The following PCDH15 variants were observed in gnomAD, a reference collection of about 807,000 sequenced individuals.
PCDH15 encodes protocadherin related 15, also known as protocadherin-15.
Under a neutral mutation model 178.5 loss-of-function variants are expected in PCDH15, and 129 were observed. The ratio of observed to expected loss-of-function variants is 0.72; its 90% CI spans 0.63 to 0.84. The LOEUF (loss-of-function observed/expected upper bound fraction) is 0.84. Among genes scored for constraint, PCDH15 ranks in the 40% least tolerant of loss-of-function variants. PCDH15 has a pLI of 0.00. For synonymous variants in PCDH15, 800 were observed against 732.0 expected (o/e 1.09, Z -1.50); for missense variants, 2,230 against 2,099.9 (o/e 1.06, Z -1.21).
At chr10:55,141,468 T>A (rs1838351764) in intron 2 of PCDH15, among the ~76,000 whole-genome samples, 1 of 152,068 alleles carries the variant, frequency 6.6e-6, no homozygotes, top group African/African-American at 2.4e-5. Context: ...ACTTAGAAAG[T>A]TTTTCTCTTC....
At chr10:55,059,833 G>A (rs942127554) in intron 2 of PCDH15, among the ~76,000 whole-genome samples, 1 of 151,938 alleles carries the variant, frequency 6.6e-6, no homozygotes, top group Non-Finnish European at 1.5e-5. Flanking sequence ...GTTATTTAAT[G>A]ATCTTGTTGA....
intron 2 of PCDH15, among the ~76,000 whole-genome samples, chr10:55,527,221 C>A (rs1841320939): frequency 6.6e-6 from 1 of 151,984 alleles, no homozygotes; most frequent in African/African-American, 2.4e-5. Flanking sequence ...GATTGAGTGG[C>A]TTACAAAAAG....
In PCDH15 at chr10:53,823,435, C is replaced by G. The variant is rs776152870; in HGVS notation, c.4368-3205G>C. 1.2e-5 allele frequency: 15 copies of G among 1,302,840 alleles called. No individual in the cohort carries two copies. The African/African-American group carries it at 2.0e-4, about 18-fold the overall frequency. The allele number at this position is 1,302,840 out of a possible 1,614,324, so 80.7% of individuals were successfully genotyped here. A position where few individuals can be genotyped will look rare whatever the true frequency, so the allele number is the denominator to read the frequency against. The stretch of plus-strand genomic sequence containing the variant: ...TTTCATGAGAAAGATGTTTTTATGG[C>G]TCTCATTACTATTAAATACTTAAAA... On this transcript the variant is annotated intron_variant, in intron 32 of 37. Transcript: ENST00000644397.
At chr10:54,160,254 A>C (rs958873465) in intron 13 of PCDH15, among the ~76,000 whole-genome samples, 3 of 152,194 alleles carry the variant, frequency 2.0e-5, no homozygotes, top group Non-Finnish European at 4.4e-5. Flanking sequence ...CACAAAATTT[A>C]AAACTTTGGA....
rs950580907 is a variant in PCDH15, at chr10:55,233,235, T to C, written c.-155-66584A>G. 5.3e-5 allele frequency among the ~76,000 whole-genome samples: 8 copies of C among 152,094 alleles called. 1 individual carries two copies. Among genetic ancestry groups the C allele is most frequent in the African/African-American group, 1.9e-4 (8 of 41,378 alleles). On this transcript the variant is annotated intron_variant, in intron 1 of 5. Coordinates refer to the PCDH15 transcript ENST00000458638. Reference sequence around the variant, plus strand: ...AAAATAAACATGCTTTTTCAATAACTTTCACGTTTCTCCTTTATATACAAA... The same window carrying C: ...AAAATAAACATGCTTTTTCAATAACCTTCACGTTTCTCCTTTATATACAAA...
chr10:55,408,638 T>G (rs2132032763), intron 2 of PCDH15, among the ~76,000 whole-genome samples: 1 of 152,260 alleles, frequency 6.6e-6, no homozygotes, highest in Admixed American at 6.5e-5. Flanking sequence ...TGCCAGAAAT[T>G]TAAAAATGGT....
intron 2 of PCDH15, among the ~76,000 whole-genome samples, chr10:55,376,528 C>CAT (rs1401471683): frequency 1.3e-5 from 2 of 152,050 alleles, no homozygotes; most frequent in African/African-American, 4.8e-5. Context: ...GTATCTGAAT[C>CAT]ATGTTCTGCT....
chr10:55,376,859 T>A (rs1344171391), intron 2 of PCDH15, among the ~76,000 whole-genome samples: 1 of 152,038 alleles, frequency 6.6e-6, no homozygotes. Flanking sequence ...ACTAAGCAGG[T>A]CAAAATGTAG....
chr10:54,728,506 G>T (rs1942894005), intron 1 of PCDH15, among the ~76,000 whole-genome samples: 1 of 151,164 alleles, frequency 6.6e-6, no homozygotes, highest in African/African-American at 2.4e-5. Flanking sequence ...CATGCTGGAA[G>T]AATTCTTCTT....
intron 2 of PCDH15, among the ~76,000 whole-genome samples, chr10:55,482,677 G>A (rs1414915570): frequency 2.0e-5 from 3 of 151,764 alleles, no homozygotes; most frequent in African/African-American, 7.2e-5. Flanking sequence ...GATTTCCACT[G>A]AGATGTCCGC....
rs553431293 is a variant in PCDH15 at position 54,047,373 on chromosome 10, G to A, written c.2220+19384C>T. ...ATTCACACTGCTGTGTGTGGTGGGG[G>A]GTGGGGGTGATAATCACTTTTTTTT... On this transcript the variant is annotated intron_variant, in intron 18 of 37. Coordinates refer to ENST00000644397, the MANE Select transcript of PCDH15 (RefSeq NM_001384140.1). 1.5e-4 allele frequency among the ~76,000 whole-genome samples: 22 copies of A among 150,594 alleles called. No individual in the cohort carries two copies. The East Asian group carries it at 4.1e-3, about 28-fold the overall frequency.
At chr10:55,112,143 G>A (rs953003305) in intron 2 of PCDH15, among the ~76,000 whole-genome samples, 1 of 152,088 alleles carries the variant, frequency 6.6e-6, no homozygotes, top group African/African-American at 2.4e-5. Context: ...TATATGAAAT[G>A]AACTGAATGT....
chr10:55,084,926 C>G (rs1310015241), intron 2 of PCDH15, among the ~76,000 whole-genome samples: 3 of 151,880 alleles, frequency 2.0e-5, no homozygotes, highest in African/African-American at 7.2e-5. Flanking sequence ...CAGGCAATAA[C>G]AAATGCAGAT....
At chr10:54,314,963 G>A (rs1247569703) in intron 8 of PCDH15, among the ~76,000 whole-genome samples, 1 of 152,100 alleles carries the variant, frequency 6.6e-6, no homozygotes, top group African/African-American at 2.4e-5. Flanking sequence ...TTGACTCCAT[G>A]TCTTTGCTAT....
intron 17 of PCDH15, among the ~76,000 whole-genome samples, chr10:54,069,591 G>C (rs902438119): frequency 1.3e-5 from 2 of 152,028 alleles, no homozygotes; most frequent in Admixed American, 1.3e-4. Flanking sequence ...AATACCACTT[G>C]CTTCAGAAAT....
At chr10:55,319,717 A>T (rs1038230791), upstream of PCDH15, 1 of 152,210 alleles carries the variant, frequency 6.6e-6, no homozygotes, top group Non-Finnish European at 1.5e-5. Flanking sequence ...GGACCTCTGG[A>T]ATCCTGTCAG....
intron 21 of PCDH15, among the ~76,000 whole-genome samples, chr10:53,972,384 G>T (rs144895870): frequency 3.3e-5 from 5 of 152,008 alleles, no homozygotes; most frequent in Admixed American, 1.3e-4. Context: ...ATGTGCAAAG[G>T]CTTCATGACT....
chr10:54,411,307 C>G (rs1237911694), intron 3 of PCDH15, among the ~76,000 whole-genome samples: 1 of 152,072 alleles, frequency 6.6e-6, no homozygotes, highest in Non-Finnish European at 1.5e-5. Flanking sequence ...TGTGCAGAAT[C>G]TTTGTAGTTA....
chr10:55,557,823 A>T (rs1288940468), intron 2 of PCDH15, among the ~76,000 whole-genome samples: 6 of 152,144 alleles, frequency 3.9e-5, no homozygotes, highest in African/African-American at 1.4e-4. Flanking sequence ...CCGAGGTAAG[A>T]AAATACACTG....
Sources: allele counts gnomAD v4.1 joint callset (sites outside exome capture counted in the v4.1 genomes callset), GRCh38; gene constraint gnomAD v4.1.1; transcripts MANE v1.5; gene names NCBI Gene and HGNC (gene_info 2026-07-23, HGNC 2026-07-21).